THOC7: variants seen among roughly 807,000 people sequenced by gnomAD.
The protein encoded by THOC7 is NIF3L1-binding protein 1.
THOC7 carries 22 observed loss-of-function variants against 33.1 expected under a neutral mutation model. That is an observed-to-expected ratio of 0.66 (90% confidence interval 0.47 to 0.95). The LOEUF (loss-of-function observed/expected upper bound fraction) is 0.95. Among genes scored for constraint, THOC7 ranks in the 40% least tolerant of loss-of-function variants. The pLI is 0.00. For missense variants in THOC7, 184 were observed against 245.3 expected (o/e 0.75, Z 1.67); for synonymous variants, 77 against 76.8 (o/e 1.00, Z -0.01).
intron 1 of THOC7, among the ~76,000 whole-genome samples, chr3:63,840,188 G>C (rs1045424069): frequency 6.6e-6 from 1 of 152,034 alleles, no homozygotes; most frequent in Non-Finnish European, 1.5e-5. Context: ...TGCCCAGACA[G>C]ACAGAACTCC....
In THOC7 at chr3:63,861,260, T is replaced by C. The variant is rs1297806194; in HGVS notation, c.19+2512A>G. Among the ~76,000 whole-genome samples the C allele has an allele frequency of 3.9e-5, 6 of 152,166 alleles. No homozygotes were observed. The South Asian group carries it at 1.2e-3, about 32-fold the overall frequency. ...GGGGGCACTTGACTGCAGTCATTAC[T>C]TTAGAACTCATCTTCTGTCCCTATC... On this transcript the variant is annotated intron_variant, in intron 1 of 7. Transcript: ENST00000295899.
intron 1 of THOC7, among the ~76,000 whole-genome samples, chr3:63,862,399 A>C (rs915254235): frequency 2.0e-4 from 31 of 152,158 alleles, no homozygotes; most frequent in Non-Finnish European, 3.8e-4. Context: ...CCTTGTGGTA[A>C]TATTTGTCAC....
intron 1 of THOC7, among the ~76,000 whole-genome samples, chr3:63,843,112 A>ATTTG (rs767250587): frequency 3.8e-4 from 57 of 149,314 alleles, no homozygotes; most frequent in African/African-American, 8.7e-4. Flanking sequence ...CCGTATGTAT[A>ATTTG]TTTGTTTGTT....
chr3:63,860,061 T>C (rs1040544300), intron 1 of THOC7, among the ~76,000 whole-genome samples: 2 of 152,144 alleles, frequency 1.3e-5, no homozygotes, highest in Non-Finnish European at 2.9e-5. Flanking sequence ...CTCAAACTCC[T>C]GGGCTCAAGT....
chr3:63,835,442 A>G, intron 5 of THOC7, 52 bp from the exon 6 acceptor site: 1 of 1,531,078 alleles, frequency 6.5e-7, no homozygotes, highest in Admixed American at 1.7e-5. Context: ...AGAAGAGTTT[A>G]CAATTAATGC....
intron 1 of THOC7, chr3:63,863,392 G>A (rs1382874665): frequency 5.9e-6 from 6 of 1,018,686 alleles, no homozygotes; most frequent in Non-Finnish European, 7.1e-6. Context: ...GGTCCTCACC[G>A]CGCCCCTAGA....
At chr3:63,860,113 C>A (rs1702181111) in intron 1 of THOC7, among the ~76,000 whole-genome samples, 1 of 152,136 alleles carries the variant, frequency 6.6e-6, no homozygotes, top group African/African-American at 2.4e-5. Flanking sequence ...GGACTACCTA[C>A]AGGTGTGTTC....
At chr3:63,863,937 A>AGCGGC, upstream of THOC7, 1 of 339,046 alleles carries the variant, frequency 2.9e-6, no homozygotes, top group Non-Finnish European at 3.9e-6. Context: ...CCGACGCCTG[A>AGCGGC]GCCGCGCCGC....
intron 1 of THOC7, among the ~76,000 whole-genome samples, chr3:63,842,577 T>G (rs1436002212): frequency 6.6e-6 from 1 of 152,204 alleles, no homozygotes; most frequent in Non-Finnish European, 1.5e-5. Context: ...AGGCCATTAT[T>G]CTAAGTGAAG....
chr3:63,838,195 C>T lies in THOC7; in HGVS notation c.266-133G>A. ...AGTATTTTTAAAAAATAGCTGTAAC[C>T]CAAAGTACTATATCATCTTAGAATA... is the stretch of plus-strand genomic sequence containing the variant. On this transcript the variant is annotated intron_variant, in intron 3 of 7. Coordinates refer to ENST00000295899, the MANE Select transcript of THOC7 (RefSeq NM_025075.4). 4.2e-6 allele frequency: 4 copies of T among 949,388 alleles called. No homozygotes were observed. The South Asian group carries it at 7.1e-5, about 17-fold the overall frequency. 58.8% of individuals were successfully genotyped at this position (949,388 alleles called of 1,614,324 possible).
At chr3:63,859,949 C>A (rs927216187) in intron 1 of THOC7, among the ~76,000 whole-genome samples, 19 of 152,214 alleles carry the variant, frequency 1.2e-4, no homozygotes, top group Admixed American at 1.0e-3. Context: ...CCACTACCCA[C>A]CTAAACCACA....
At chr3:63,849,924 A>C (rs961493754) in intron 1 of THOC7, among the ~76,000 whole-genome samples, 1 of 152,190 alleles carries the variant, frequency 6.6e-6, no homozygotes, top group Non-Finnish European at 1.5e-5. Context: ...TTCAAGGGAG[A>C]TATCTCATAC....
chr3:63,836,220 G>A, intron 5 of THOC7, 81 bp downstream of exon 5: 5 of 1,322,752 alleles, frequency 3.8e-6, no homozygotes, highest in Admixed American at 2.2e-5. Flanking sequence ...ATTTATTTCT[G>A]CAAAAATGAA....
At chr3:63,861,855 C>T (rs534377431) in intron 1 of THOC7, 5 of 151,606 alleles carry the variant, frequency 3.3e-5, no homozygotes, top group East Asian at 3.9e-4. Flanking sequence ...TGCACTGGCG[C>T]GATCTTGGCT....
chr3:63,849,125 C>T (rs1258574220), intron 1 of THOC7, among the ~76,000 whole-genome samples: 2 of 152,110 alleles, frequency 1.3e-5, no homozygotes, highest in African/African-American at 4.8e-5. Context: ...TGGTGGCTCA[C>T]GCCTGTAATC....
At chr3:63,851,776 G>A (rs755662004) in intron 1 of THOC7, among the ~76,000 whole-genome samples, 1 of 152,146 alleles carries the variant, frequency 6.6e-6, no homozygotes, top group Non-Finnish European at 1.5e-5. Context: ...GCCCTTCTCT[G>A]TATATAAAGC....
At chr3:63,864,144 G>T (rs1456043141), upstream of THOC7, among the ~76,000 whole-genome samples, 7 of 149,096 alleles carry the variant, frequency 4.7e-5, no homozygotes, top group Non-Finnish European at 7.5e-5. Context: ...CCCGGAGGCC[G>T]CAGCCAGCCG....
chr3:63,846,682 A>G (rs1302964718), intron 1 of THOC7, among the ~76,000 whole-genome samples: 1 of 152,120 alleles, frequency 6.6e-6, no homozygotes, highest in Non-Finnish European at 1.5e-5. Flanking sequence ...AAGTGCGGGA[A>G]TTATAGGCAT....
chr3:63,844,821 A>C (rs1480716636), intron 1 of THOC7, among the ~76,000 whole-genome samples: 1 of 152,206 alleles, frequency 6.6e-6, no homozygotes, highest in Non-Finnish European at 1.5e-5. Flanking sequence ...AAGTCAAATA[A>C]ACTTTTATTG....
Sources: allele counts gnomAD v4.1 joint callset (sites outside exome capture counted in the v4.1 genomes callset), GRCh38; gene constraint gnomAD v4.1.1; transcripts MANE v1.5; gene names NCBI Gene and HGNC (gene_info 2026-07-23, HGNC 2026-07-21).